Variants in ATP13A1 observed in about 807,000 individuals in gnomAD.
ATP13A1 encodes the protein endoplasmic reticulum transmembrane helix translocase.
A neutral mutation model predicts 134.8 loss-of-function variants in ATP13A1; 55 were observed. The observed-to-expected ratio is 0.41, with a 90% confidence interval of 0.33 to 0.51. The LOEUF (loss-of-function observed/expected upper bound fraction) is 0.51, where lower values mean the gene tolerates loss of function less well. Among genes scored for constraint, ATP13A1 ranks in the 20% least tolerant of loss-of-function variants. The probability of loss-of-function intolerance (pLI) is 0.29; values close to 1 mark genes in which losing one functional copy is unlikely to be tolerated. For synonymous variants in ATP13A1, 775 were observed against 725.1 expected (o/e 1.07, Z -1.10); for missense variants, 1,389 against 1,652.8 (o/e 0.84, Z 2.77).
chr19:19,663,522 G>A lies in ATP13A1; in HGVS notation c.145C>T (p.Leu49=). The A allele has an allele frequency of 2.0e-6, 3 of 1,531,330 alleles. No homozygotes were observed. The highest frequency in any genetic ancestry group is 2.6e-6 in the Non-Finnish European group (3 of 1,144,948). 94.9% of individuals were successfully genotyped at this position (1,531,330 alleles called of 1,614,324 possible). ...GPALIANGDE[L]VAAVWPYRRL... ...CGGTACGGCCACACGGCAGCCACCAGCTCGTCACCGTTCGCTATGAGCGCC... is the reference window on the plus strand; with the variant it reads ...CGGTACGGCCACACGGCAGCCACCAACTCGTCACCGTTCGCTATGAGCGCC... Residue 49 remains leucine (L), a synonymous_variant, in exon 1 of 26, where the codon CTG becomes TTG. Transcript: ENST00000357324.
At chr19:19,662,355 C>G (rs2062100203) in intron 1 of ATP13A1, 1 of 985,270 alleles carries the variant, frequency 1.0e-6, no homozygotes, top group Non-Finnish European at 1.2e-6. Context: ...ACATTCAGAG[C>G]CAGCCAGGGT....
Position 19,645,348 on chromosome 19 carries a change from T to C in ATP13A1, c.*74A>G. 1.4e-6 allele frequency: 2 copies of C among 1,477,706 alleles called. No homozygotes were observed. The highest frequency in any genetic ancestry group is 1.8e-6 in the Non-Finnish European group (2 of 1,085,076). The allele number at this position is 1,477,706 out of a possible 1,614,324, so 91.5% of individuals were successfully genotyped here. A position where few individuals can be genotyped will look rare whatever the true frequency, so the allele number is the denominator to read the frequency against. Reference sequence around the variant, plus strand: ...TTGCTGTGGGGGGTTGGGGGCAGGGTTCCCTCCCGGGGCCCTGTTGGGGTT... The same window carrying C: ...TTGCTGTGGGGGGTTGGGGGCAGGGCTCCCTCCCGGGGCCCTGTTGGGGTT... On this transcript the variant is annotated 3_prime_UTR_variant, in exon 26 of 26. Coordinates refer to ENST00000357324, the MANE Select transcript of ATP13A1 (RefSeq NM_020410.3). This position sits in a 1 kb window ranked among gnomAD's most constrained non-coding sequence, Gnocchi z 4.1.
intron 1 of ATP13A1, chr19:19,662,357 A>T: frequency 1.0e-6 from 1 of 985,428 alleles, no homozygotes; most frequent in East Asian, 1.1e-4. Context: ...ATTCAGAGCC[A>T]GCCAGGGTGG....
chr19:19,663,166 AGATGAGTGGCCCAGGTCGC>A (rs1197193885), intron 1 of ATP13A1, 86 bp downstream of exon 1: 13 of 1,487,054 alleles, frequency 8.7e-6, no homozygotes, highest in Non-Finnish European at 1.2e-5. Flanking sequence ...CAGGCCAGGC[AGATGAGTGGCCCAGGTCGC>A]GATGGTGACC....
Position 19,653,393 on chromosome 19 carries a change from CAGAA to C in ATP13A1, c.2100+387_2100+390del. On this transcript the variant is annotated intron_variant, in intron 15 of 25. Coordinates refer to ENST00000357324, the MANE Select transcript of ATP13A1 (RefSeq NM_020410.3). This position sits in a 1 kb window ranked among gnomAD's most constrained non-coding sequence, Gnocchi z 4.2. The stretch of plus-strand genomic sequence containing the variant: ...AGGATCCGCAGCTGTAGGGTGCAAG[CAGAA>C]AGAACGAGAGCCCAGGAAGAAGCCA... 1 of 269,794 alleles carries C rather than the reference CAGAA, an allele frequency of 3.7e-6. No individual in the cohort carries two copies. The highest frequency in any genetic ancestry group is 7.2e-6 in the Non-Finnish European group (1 of 139,804). 16.7% of individuals were successfully genotyped at this position (269,794 alleles called of 1,614,324 possible).
intron 1 of ATP13A1, 31 bp from the exon 2 acceptor site, chr19:19,660,018 A>G (rs1338533919): frequency 2.6e-6 from 4 of 1,539,586 alleles, no homozygotes; most frequent in South Asian, 1.2e-5. Flanking sequence ...ATTGTGGCTT[A>G]GCTCTTCTCA....
At position 19,645,907 on chromosome 19, in the gene ATP13A1, G is replaced by A. The variant is rs1367538897; in HGVS notation, c.3327C>T (p.Ala1109=). The A allele has an allele frequency of 3.7e-6, 6 of 1,613,928 alleles. No individual in the cohort carries two copies. In the African/African-American group the frequency reaches 8.0e-5, roughly 22 times the overall value. Residue 1109 remains alanine, a synonymous_variant, in exon 24 of 26, where the codon GCC becomes GCT. Coordinates refer to ENST00000357324, the MANE Select transcript of ATP13A1 (RefSeq NM_020410.3). This position sits in a 1 kb window ranked among gnomAD's most constrained non-coding sequence, Gnocchi z 4.1. Reference sequence around the variant, plus strand: ...TGATGGCGAAGGTGGCCATCTGCATGGCCATGGCCATGATGTAGACGGTGC... The same window carrying A: ...TGATGGCGAAGGTGGCCATCTGCATAGCCATGGCCATGATGTAGACGGTGC... ...VNSTVYIMAM[A]MQMATFAINY...
In ATP13A1 at chr19:19,647,242, G is replaced by A; in HGVS notation, c.2992C>T (p.Leu998=). Residue 998 remains leucine, a synonymous_variant, in exon 22 of 26, where the codon CTG becomes TTG. Transcript: ENST00000357324. The surrounding 1 kb of genome is among the most constrained non-coding windows in gnomAD (Gnocchi z 4.8). Reference sequence around the variant, plus strand: ...TAGAGGACGCTCTGGCTGTAGGCCAGGATGAGGGCATTGAGCGCCAGGATC... The same window carrying A: ...TAGAGGACGCTCTGGCTGTAGGCCAAGATGAGGGCATTGAGCGCCAGGATC... The part of the protein sequence containing the change: ...FKILALNALI[L]AYSQSVLYLE... 6.2e-7 allele frequency: 1 copy of A among 1,613,954 alleles called. No individual in the cohort carries two copies. Among genetic ancestry groups the A allele is most frequent in the South Asian group, 1.1e-5 (1 of 91,078 alleles).
At position 19,645,689 on chromosome 19, in the gene ATP13A1, G is replaced by A. The variant is rs762949014; in HGVS notation, c.3462C>T (p.Pro1154=). 8.9e-6 allele frequency: 14 copies of A among 1,578,388 alleles called. No homozygotes were observed. The highest frequency in any genetic ancestry group is 6.7e-5 in the African/African-American group (5 of 74,240). The part of the protein sequence containing the change: ...AIIGLLLGSS[P]DFNSQFGLVD... Reference sequence around the variant, plus strand: ...CGAGGCCAAACTGGCTGTTGAAGTCGGGCGAGGAGCCGAGGAGCAGGCCAA... The same window carrying A: ...CGAGGCCAAACTGGCTGTTGAAGTCAGGCGAGGAGCCGAGGAGCAGGCCAA... The change falls in exon 25 of 26, where the codon CCC becomes CCT. Residue 1154 remains proline, a synonymous_variant. Transcript: ENST00000357324. This position sits in a 1 kb window ranked among gnomAD's most constrained non-coding sequence, Gnocchi z 4.1.
At chr19:19,660,065 T>C in intron 1 of ATP13A1, 78 bp from the exon 2 acceptor site, 1 of 1,237,318 alleles carries the variant, frequency 8.1e-7, no homozygotes. Context: ...AGGTTTTGGG[T>C]GCAGCAGCTC....
In ATP13A1 at chr19:19,659,943, G is replaced by A. The variant is rs774548745; in HGVS notation, c.441C>T (p.Thr147=). Residue 147 remains threonine (T), a synonymous_variant, in exon 2 of 26, where the codon ACC becomes ACT. Transcript: ENST00000357324. ...CGAGCTCCGTGGAGCCATTGTTGGG[G>A]GTTGGCACCACCTTCACAAAGGTCG... ...SKATFVKVVP[T]PNNGSTELVA... 6 of 1,586,232 alleles carry A rather than the reference G, an allele frequency of 3.8e-6. No homozygotes were observed. The highest frequency in any genetic ancestry group is 1.4e-5 in the African/African-American group (1 of 73,888).
intron 15 of ATP13A1, 98 bp from the exon 16 acceptor site, chr19:19,652,818 A>C: frequency 6.9e-7 from 1 of 1,447,676 alleles, no homozygotes; most frequent in Non-Finnish European, 9.2e-7. Flanking sequence ...CAAGGGGACA[A>C]TGGAAGGCCC....
chr19:19,663,089 C>T lies in ATP13A1; in HGVS notation c.396+182G>A. Reference sequence around the variant, plus strand: ...AAGGAAATAACCCGCACCAGGCATGCACAGCAAGTCAGCAGTGGGGTCATG... The same window carrying T: ...AAGGAAATAACCCGCACCAGGCATGTACAGCAAGTCAGCAGTGGGGTCATG... On this transcript the variant is annotated intron_variant, in intron 1 of 25. Transcript: ENST00000357324. The T allele has an allele frequency of 2.3e-6, 2 of 873,908 alleles. 1 individual carries two copies. The highest frequency in any genetic ancestry group is 2.9e-5 in the South Asian group (2 of 69,896). The allele number at this position is 873,908 out of a possible 1,614,324, so 54.1% of individuals were successfully genotyped here. A position where few individuals can be genotyped will look rare whatever the true frequency, so the allele number is the denominator to read the frequency against.
At position 19,645,852 on chromosome 19, in the gene ATP13A1, T is replaced by C; in HGVS notation, c.3360+22A>G. 6.2e-7 allele frequency: 1 copy of C among 1,613,038 alleles called. No homozygotes were observed. On this transcript the variant is annotated intron_variant, in intron 24 of 25. Transcript: ENST00000357324. The surrounding 1 kb of genome is among the most constrained non-coding windows in gnomAD (Gnocchi z 4.1). ...GGCTGGGTGGGCAGACAGTGAATGTTTGGGCAGGGCCCAGGCCTTACTTTG... is the reference window on the plus strand; with the variant it reads ...GGCTGGGTGGGCAGACAGTGAATGTCTGGGCAGGGCCCAGGCCTTACTTTG...
intron 3 of ATP13A1, 107 bp from the exon 4 acceptor site, chr19:19,657,515 C>G (rs777715551): frequency 5.1e-6 from 6 of 1,174,998 alleles, no homozygotes; most frequent in Non-Finnish European, 7.0e-6. Context: ...CTCAAGAAAC[C>G]AAGAGCCATA....
chr19:19,651,717 C>T lies in ATP13A1; in HGVS notation c.2307G>A (p.Thr769=), dbSNP rs1171942411. 9.9e-6 allele frequency: 16 copies of T among 1,612,924 alleles called. No homozygotes were observed. Among genetic ancestry groups the T allele is most frequent in the East Asian group, 2.2e-5 (1 of 44,828 alleles). ...TCTCGGAGGGAGGCTGCAGGATCAG[C>T]GTGTGGGCCTTTTCAATGAAGTGCA... The part of the protein sequence containing the change: ...QELHFIEKAH[T]LILQPPSEKG... The change falls in exon 17 of 26, where the codon ACG becomes ACA. Residue 769 remains threonine, a synonymous_variant. Coordinates refer to ENST00000357324, the MANE Select transcript of ATP13A1 (RefSeq NM_020410.3).
At chr19:19,650,144 G>A in intron 17 of ATP13A1, 1 of 600,716 alleles carries the variant, frequency 1.7e-6, no homozygotes, top group Non-Finnish European at 2.9e-6. Flanking sequence ...AGAGCCTGGG[G>A]CCTGAGCTAC....
chr19:19,652,876 G>A, intron 15 of ATP13A1, 156 bp from the exon 16 acceptor site: 1 of 1,113,790 alleles, frequency 9.0e-7, no homozygotes, highest in Admixed American at 2.8e-5. Context: ...AGAAATGCCA[G>A]GAGGGTACCA....
intron 19 of ATP13A1, among the ~76,000 whole-genome samples, chr19:19,648,675 G>A (rs942914601): frequency 1.3e-5 from 2 of 151,126 alleles, no homozygotes; most frequent in African/African-American, 4.9e-5. Flanking sequence ...TGGGCATGGT[G>A]GCTGGCGCCT....
Sources: gnomAD v4.1 joint callset for allele counts (sites outside exome capture counted in the v4.1 genomes callset) on GRCh38, gnomAD v4.1.1 for gene constraint, Gnocchi (gnomAD v3.1) non-coding constraint, MANE v1.5 for transcripts, NCBI Gene and HGNC (gene_info 2026-07-23, HGNC 2026-07-21) for gene names.